Variants in FSTL4 observed in about 807,000 individuals in gnomAD.
FSTL4 encodes the protein follistatin like 4.
Under a neutral mutation model 78.2 loss-of-function variants are expected in FSTL4, and 28 were observed. The observed-to-expected ratio is 0.36, with a 90% CI of 0.27 to 0.49. The LOEUF (loss-of-function observed/expected upper bound fraction) is 0.49. FSTL4 is among the 20% of genes least tolerant of loss of function. The pLI is 0.98. For missense variants in FSTL4, 922 were observed against 1,084.9 expected, an observed-to-expected ratio of 0.85 and a Z score of 2.11; for synonymous variants, 422 against 440.5, an observed-to-expected ratio of 0.96 and a Z score of 0.53.
intron 4 of FSTL4, among the ~76,000 whole-genome samples, chr5:133,331,185 G>C (rs546237655): frequency 6.6e-6 from 1 of 152,306 alleles, no homozygotes; most frequent in African/African-American, 2.4e-5. Flanking sequence ...GCTCTCTCCT[G>C]TCTCTGTTCT....
At chr5:133,562,502 A>T (rs1759936866) in intron 3 of FSTL4, among the ~76,000 whole-genome samples, 1 of 152,138 alleles carries the variant, frequency 6.6e-6, no homozygotes, top group Non-Finnish European at 1.5e-5. Context: ...GGAGATCTGC[A>T]CTGCAAAGGA....
At chr5:133,656,179 G>C in the FSTL4 span, among the ~76,000 whole-genome samples, 8 of 152,110 alleles carry the variant, frequency 5.3e-5, no homozygotes, top group African/African-American at 1.9e-4. Flanking sequence ...GAGTGAGAAA[G>C]TGAGACAGGG....
At chr5:133,374,214 T>C (rs1332299776) in intron 4 of FSTL4, among the ~76,000 whole-genome samples, 1 of 152,222 alleles carries the variant, frequency 6.6e-6, no homozygotes, top group East Asian at 1.9e-4. Flanking sequence ...TTTTATTTGA[T>C]AATTACAGGT....
the FSTL4 span, among the ~76,000 whole-genome samples, chr5:133,708,172 G>C: frequency 1.4e-5 from 2 of 142,210 alleles, no homozygotes; most frequent in African/African-American, 2.6e-5. Context: ...GAGAGGGAGG[G>C]AGGGAGGGAG....
At chr5:133,632,981 C>T in the FSTL4 span, among the ~76,000 whole-genome samples, 1 of 152,308 alleles carries the variant, frequency 6.6e-6, no homozygotes, top group East Asian at 1.9e-4. Context: ...TACCACTGTG[C>T]CTGCCCAGCC....
rs1016294840 is a variant in FSTL4 at position 133,225,758 on chromosome 5, G to C, written c.1077C>G (p.Ser359Arg). ...GAATGCCCTCAGCATGGCATCTTAG[G>C]CTGGCTGCCACTCCAGGCTCCTGTG... ...SQAQEPGVAA[S>R]LRCHAEGIPM... The change falls in exon 9 of 16, where the codon AGC becomes AGG. Residue 359 changes from serine (S) to arginine (R), a missense_variant. Ser to Arg is a moderately radical substitution (Grantham distance 110, BLOSUM62 -1). Transcript: ENST00000265342. This position sits in a 1 kb window ranked among gnomAD's most constrained non-coding sequence, Gnocchi z 4.6. The C allele has an allele frequency of 6.2e-7, 1 of 1,610,598 alleles. No homozygotes were observed. Among genetic ancestry groups the C allele is most frequent in the Non-Finnish European group, 8.5e-7 (1 of 1,178,098 alleles).
rs114503828 is a variant in FSTL4, at chr5:133,562,911, G to A, written c.160+4275C>T. Among the ~76,000 whole-genome samples the A allele has an allele frequency of 2.8e-3, 420 of 152,290 alleles. 4 individuals are homozygous for A. Among genetic ancestry groups the A allele is most frequent in the Middle Eastern group, 0.014 (4 of 294 alleles). On this transcript the variant is annotated intron_variant, in intron 3 of 15. Transcript: ENST00000265342. ...TTTGAGTAGATGAATTTTGGCAGTCGCAATCAGCATTGGCCCTCACAGTGG... is the reference window on the plus strand; with the variant it reads ...TTTGAGTAGATGAATTTTGGCAGTCACAATCAGCATTGGCCCTCACAGTGG...
intron 3 of FSTL4, among the ~76,000 whole-genome samples, chr5:133,449,243 C>T (rs1757332570): frequency 1.3e-5 from 2 of 152,212 alleles, no homozygotes; most frequent in Admixed American, 1.3e-4. Flanking sequence ...CTTGAACCTG[C>T]TTGCCAGGTG....
At chr5:133,773,576 C>G in the FSTL4 span, among the ~76,000 whole-genome samples, 1 of 152,216 alleles carries the variant, frequency 6.6e-6, no homozygotes, top group East Asian at 1.9e-4. Flanking sequence ...AGACCTCTCT[C>G]CCTTGCGTAC....
intron 3 of FSTL4, among the ~76,000 whole-genome samples, chr5:133,554,265 TG>T (rs957692369): frequency 1.3e-5 from 2 of 151,854 alleles, no homozygotes; most frequent in Non-Finnish European, 2.9e-5. Flanking sequence ...CCTGGGGAGA[TG>T]GGGGGGAGGT....
chr5:133,249,350 A>C, intron 7 of FSTL4, 60 bp downstream of exon 7: 94 of 1,332,996 alleles, frequency 7.1e-5, no homozygotes, highest in Non-Finnish European at 9.8e-5. Flanking sequence ...GTGGCATCTT[A>C]CCCAGTGTAC....
chr5:133,571,057 A>G lies in FSTL4; in HGVS notation c.127-3838T>C, dbSNP rs114542554. 2.8e-3 allele frequency among the ~76,000 whole-genome samples: 424 copies of G among 152,234 alleles called. 5 individuals are homozygous for G. Among genetic ancestry groups the G allele is most frequent in the Middle Eastern group, 0.014 (4 of 294 alleles). On this transcript the variant is annotated intron_variant, in intron 2 of 15. Transcript: ENST00000265342. ...ATGATTATGCCTGAGCTACACACAT[A>G]AAGGGCAAAAGGCTGAGAAACAAGT...
the FSTL4 span, among the ~76,000 whole-genome samples, chr5:133,750,622 G>A: frequency 6.6e-6 from 1 of 152,090 alleles, no homozygotes; most frequent in South Asian, 2.1e-4. Context: ...CCCTAGAGTG[G>A]GTACGAGAAG....
chr5:133,350,535 T>G (rs1394644434), intron 4 of FSTL4, among the ~76,000 whole-genome samples: 3 of 152,278 alleles, frequency 2.0e-5, no homozygotes, highest in South Asian at 4.1e-4. Context: ...AGGTTCCTGT[T>G]TTCTTTCCTA....
chr5:133,826,222 AT>A, the FSTL4 span, among the ~76,000 whole-genome samples: 1 of 152,198 alleles, frequency 6.6e-6, no homozygotes, highest in African/African-American at 2.4e-5. Flanking sequence ...ATGGCGCCAC[AT>A]GGCTCCATGC....
chr5:133,681,326 A>G, the FSTL4 span, among the ~76,000 whole-genome samples: 3 of 152,244 alleles, frequency 2.0e-5, no homozygotes, highest in African/African-American at 7.2e-5. Flanking sequence ...GACCTCTGCC[A>G]CACGGGCATA....
intron 4 of FSTL4, among the ~76,000 whole-genome samples, chr5:133,378,658 A>G (rs1446140275): frequency 1.3e-5 from 2 of 152,136 alleles, no homozygotes; most frequent in African/African-American, 2.4e-5. Context: ...TAGGAATAAC[A>G]TTTCTATATC....
intron 3 of FSTL4, among the ~76,000 whole-genome samples, chr5:133,527,144 A>G (rs932143832): frequency 6.6e-6 from 1 of 152,082 alleles, no homozygotes; most frequent in African/African-American, 2.4e-5. Context: ...TTTTGTTTCT[A>G]CATTGCTGGA....
intron 3 of FSTL4, among the ~76,000 whole-genome samples, chr5:133,525,877 G>T (rs1421259538): frequency 6.6e-6 from 1 of 152,168 alleles, no homozygotes; most frequent in African/African-American, 2.4e-5. Context: ...CAGCCAGTGG[G>T]AACTGTCAAT....
Sources: gnomAD v4.1 joint callset for allele counts (sites outside exome capture counted in the v4.1 genomes callset) on GRCh38, gnomAD v4.1.1 for gene constraint, Gnocchi (gnomAD v3.1) non-coding constraint, MANE v1.5 for transcripts, NCBI Gene and HGNC (gene_info 2026-07-23, HGNC 2026-07-21) for gene names.